The following BLM variants were observed in gnomAD, a reference collection of about 807,000 sequenced individuals.
BLM encodes BLM RecQ like helicase, also known as recQ-like DNA helicase BLM.
BLM carries 95 observed loss-of-function variants against 135.3 expected under a neutral mutation model. That is an observed-to-expected ratio of 0.70 (90% confidence interval 0.59 to 0.83). The LOEUF is 0.83. BLM is among the 40% of genes least tolerant of loss of function. The pLI is 0.00. For synonymous variants in BLM, 520 were observed against 589.2 expected, an observed-to-expected ratio of 0.88 and a Z score of 1.70; for missense variants, 1,518 against 1,663.9, an observed-to-expected ratio of 0.91 and a Z score of 1.53.
intron 17 of BLM, among the ~76,000 whole-genome samples, chr15:90,800,922 T>G (rs1897149492): frequency 1.3e-5 from 2 of 151,842 alleles, no homozygotes; most frequent in South Asian, 4.2e-4. Flanking sequence ...CCAAAGTGGG[T>G]GGTTCACTTG....
At chr15:90,794,047 T>C (rs1421017701) in intron 15 of BLM, 120 bp from the exon 16 acceptor site, 5 of 647,578 alleles carry the variant, frequency 7.7e-6, no homozygotes, top group African/African-American at 7.6e-5. Flanking sequence ...TTGACAATGC[T>C]GTTAACAGTA....
chr15:90,773,323 G>C (rs1896378036), intron 12 of BLM, among the ~76,000 whole-genome samples: 1 of 151,926 alleles, frequency 6.6e-6, no homozygotes, highest in Non-Finnish European at 1.5e-5. Flanking sequence ...GAAAGGCTGA[G>C]ACAGGAAAAT....
intron 3 of BLM, 118 bp from the exon 4 acceptor site, chr15:90,751,669 C>T (rs1053205315): frequency 1.2e-6 from 1 of 811,168 alleles, no homozygotes. Flanking sequence ...AGGATCCATA[C>T]AAAGTGGTGT....
rs780538610 is a variant in BLM, at chr15:90,766,928, A to ATTC, written c.2212_2213insTTC (p.Thr738delinsIlePro). On this transcript the variant is annotated protein_altering_variant, in exon 10 of 22. Transcript: ENST00000355112. Reference sequence around the variant, plus strand: ...TACTTAGATTCCAGCTACATATCTGACAGGTGATAAGACTGACTCAGAAGC... The same window carrying ATTC: ...TACTTAGATTCCAGCTACATATCTGATTCCAGGTGATAAGACTGACTCAGAAGC... 1.1e-4 allele frequency: 174 copies of ATTC among 1,598,072 alleles called. No individual in the cohort carries two copies. The highest frequency in any genetic ancestry group is 1.7e-4 in the Admixed American group (10 of 59,836).
At chr15:90,725,197 C>T (rs1418370146) in intron 1 of BLM, among the ~76,000 whole-genome samples, 1 of 152,138 alleles carries the variant, frequency 6.6e-6, no homozygotes, top group Non-Finnish European at 1.5e-5. Flanking sequence ...GCATAAGCCA[C>T]CACGCCCGGC....
chr15:90,749,285 T>C (rs1895597465), intron 2 of BLM, 82 bp from the exon 3 acceptor site: 2 of 971,092 alleles, frequency 2.1e-6, no homozygotes, highest in Non-Finnish European at 3.1e-6. Context: ...CCTGTGTGAA[T>C]TAGTTTAAAA....
In BLM at chr15:90,798,197, A is replaced by C; in HGVS notation, c.3218A>C (p.Lys1073Thr). ...CDNCCKTKDY[K>T]TRDVTDDVKS... is the part of the protein sequence containing the mutation. ...TTCTCTTTTTATTCATAGGATTATA[A>C]AACAAGAGATGTGACTGACGATGTG... Residue 1073 changes from lysine to threonine, a missense_variant, in exon 17 of 22, where the codon AAA becomes ACA. This residue lies in a region of BLM where 626 missense variants were observed against 681.1 expected (regional missense o/e 0.92). Transcript: ENST00000355112. 1 of 1,604,940 alleles carries C rather than the reference A, an allele frequency of 6.2e-7. No individual in the cohort carries two copies. The highest frequency in any genetic ancestry group is 8.5e-7 in the Non-Finnish European group (1 of 1,172,818).
intron 13 of BLM, among the ~76,000 whole-genome samples, chr15:90,783,970 A>G (rs1285285724): frequency 6.6e-6 from 1 of 152,194 alleles, no homozygotes; most frequent in Non-Finnish European, 1.5e-5. Context: ...AATCACTGTT[A>G]TGTTATTATT....
intron 1 of BLM, among the ~76,000 whole-genome samples, chr15:90,734,441 C>G (rs1031018653): frequency 6.6e-5 from 10 of 152,032 alleles, no homozygotes; most frequent in Non-Finnish European, 1.2e-4. Flanking sequence ...GCGCCCACCA[C>G]CACACCTGGC....
chr15:90,804,797 C>T (rs764797064), intron 19 of BLM, among the ~76,000 whole-genome samples: 12 of 152,138 alleles, frequency 7.9e-5, no homozygotes, highest in Admixed American at 6.6e-5. Context: ...TTTATTTAAT[C>T]TCTGGATTAA....
chr15:90,790,311 C>T lies in BLM; in HGVS notation c.2824-338C>T, dbSNP rs186124540. The T allele has an allele frequency of 3.3e-5, 12 of 360,122 alleles. 1 individual carries two copies. The highest frequency in any genetic ancestry group is 2.1e-4 in the East Asian group (3 of 14,258). The allele number at this position is 360,122 out of a possible 1,614,324, so 22.3% of individuals were successfully genotyped here. A position where few individuals can be genotyped will look rare whatever the true frequency, so the allele number is the denominator to read the frequency against. On this transcript the variant is annotated intron_variant, in intron 14 of 21. Coordinates refer to ENST00000355112, the MANE Select transcript of BLM (RefSeq NM_000057.4). Reference sequence around the variant, plus strand: ...TCATGACTGTGTGAGCAACACCCCCCACACCTCAGTAGCAAAAACAGAGAA... The same window carrying T: ...TCATGACTGTGTGAGCAACACCCCCTACACCTCAGTAGCAAAAACAGAGAA...
chr15:90,765,746 G>T (rs1896108057), intron 9 of BLM, among the ~76,000 whole-genome samples: 1 of 152,166 alleles, frequency 6.6e-6, no homozygotes, highest in Non-Finnish European at 1.5e-5. Flanking sequence ...ATACACACAT[G>T]CATGCCTGCA....
chr15:90,752,078 C>A, intron 4 of BLM, 132 bp downstream of exon 4: 2 of 894,868 alleles, frequency 2.2e-6, no homozygotes, highest in Non-Finnish European at 3.3e-6. Flanking sequence ...CAAGTGAAAG[C>A]CTCAAAAAAA....
chr15:90,792,114 G>C (rs1485984556), intron 15 of BLM, among the ~76,000 whole-genome samples: 1 of 137,752 alleles, frequency 7.3e-6, no homozygotes, highest in African/African-American at 2.8e-5. Flanking sequence ...TTTTTGAGAC[G>C]GAGTCTCGCT....
rs901517000 is a variant in BLM, at chr15:90,771,198, C to T, written c.2555+1612C>T. ...CATTATAATGCTATATTTAAGATGT[C>T]GTATTAGGCTGGGTGCAGTGGCTCA... On this transcript the variant is annotated intron_variant, in intron 12 of 21. Coordinates refer to ENST00000355112, the MANE Select transcript of BLM (RefSeq NM_000057.4). Among the ~76,000 whole-genome samples, 16 of 152,124 alleles carry T rather than the reference C, an allele frequency of 1.1e-4. No homozygotes were observed. The East Asian group carries it at 2.1e-3, about 20-fold the overall frequency.
chr15:90,795,863 G>C lies in BLM; in HGVS notation c.3210+1506G>C, dbSNP rs180945284. Among the ~76,000 whole-genome samples, 121 of 152,356 alleles carry C rather than the reference G, an allele frequency of 7.9e-4. 1 individual carries two copies. Among genetic ancestry groups the C allele is most frequent in the Non-Finnish European group, 1.5e-3 (99 of 68,042 alleles). ...GGGTAGAGTGCAGGATGCAGTATTA[G>C]ACGGGGTGGTCCTTGGAAGTCTAAC... On this transcript the variant is annotated intron_variant, in intron 16 of 21. Transcript: ENST00000355112.
intron 17 of BLM, among the ~76,000 whole-genome samples, chr15:90,799,626 TAAAAA>T (rs10600094): frequency 8.3e-5 from 9 of 108,708 alleles, no homozygotes; most frequent in East Asian, 5.1e-4. Flanking sequence ...AAGATGCCTG[TAAAAA>T]AAAAAAAAAA....
chr15:90,773,561 C>G (rs978604005), intron 12 of BLM, among the ~76,000 whole-genome samples: 1 of 135,022 alleles, frequency 7.4e-6, no homozygotes, highest in Non-Finnish European at 1.5e-5. Context: ...GCAGCCATCA[C>G]CATTATCTAA....
At chr15:90,799,305 A>G (rs1031287957) in intron 17 of BLM, among the ~76,000 whole-genome samples, 12 of 152,150 alleles carry the variant, frequency 7.9e-5, no homozygotes, top group Non-Finnish European at 1.3e-4. Context: ...AGTTTTTAAA[A>G]TAAATACTTA....
Sources: allele counts gnomAD v4.1 joint callset (sites outside exome capture counted in the v4.1 genomes callset), GRCh38; gene constraint gnomAD v4.1.1; regional missense constraint gnomAD v4.1.1; transcripts MANE v1.5; gene names NCBI Gene and HGNC (gene_info 2026-07-23, HGNC 2026-07-21).